The following PARVA variants were observed in gnomAD, a reference collection of about 807,000 sequenced individuals.
PARVA encodes the protein alpha-parvin.
In PARVA, 25 loss-of-function variants were observed where a neutral mutation model predicts 52.6. The observed-to-expected ratio is 0.48, with a 90% confidence interval of 0.35 to 0.66. The LOEUF is 0.66. Among genes scored for constraint, PARVA ranks in the 30% least tolerant of loss-of-function variants. The pLI is 0.01. For missense variants in PARVA, 373 were observed against 450.9 expected, an observed-to-expected ratio of 0.83 and a Z score of 1.56; for synonymous variants, 185 against 179.1, an observed-to-expected ratio of 1.03 and a Z score of -0.26.
intron 1 of PARVA, among the ~76,000 whole-genome samples, chr11:12,417,943 G>A (rs746139329): frequency 1.3e-5 from 2 of 152,216 alleles, no homozygotes; most frequent in Non-Finnish European, 2.9e-5. Flanking sequence ...CCAGATTAGA[G>A]ACCCCAGCAG....
intron 1 of PARVA, among the ~76,000 whole-genome samples, chr11:12,445,917 A>G (rs1185238029): frequency 6.6e-6 from 1 of 152,222 alleles, no homozygotes; most frequent in Non-Finnish European, 1.5e-5. Context: ...CAAATGCCAG[A>G]TGGTTTAAAG....
At chr11:12,482,101 AGCCGAGATC>A (rs1941095175) in intron 4 of PARVA, among the ~76,000 whole-genome samples, 1 of 151,252 alleles carries the variant, frequency 6.6e-6, no homozygotes, top group Non-Finnish European at 1.5e-5. Context: ...GGTTGCAGCA[AGCCGAGATC>A]GTGCCATTGC....
chr11:12,447,465 C>T (rs150114811), intron 1 of PARVA, among the ~76,000 whole-genome samples: 12 of 152,276 alleles, frequency 7.9e-5, no homozygotes, highest in South Asian at 6.2e-4. Flanking sequence ...GCCCCGAGCC[C>T]GGTAGATATG....
rs369465091 is a variant in PARVA at position 12,412,322 on chromosome 11, C to T, written c.136+34539C>T. Among the ~76,000 whole-genome samples, 68 of 152,352 alleles carry T rather than the reference C, an allele frequency of 4.5e-4. 1 individual carries two copies. In the East Asian group the frequency reaches 0.01, roughly 22 times the overall value. On this transcript the variant is annotated intron_variant, in intron 1 of 12. Coordinates refer to ENST00000334956, the MANE Select transcript of PARVA (RefSeq NM_018222.5). Reference sequence around the variant, plus strand: ...TGCCATTTCTATACCATCTTTAACACAGAGCATGTTGCCTTCATCCTAAGA... The same window carrying T: ...TGCCATTTCTATACCATCTTTAACATAGAGCATGTTGCCTTCATCCTAAGA...
chr11:12,401,769 T>C (rs895660640), intron 1 of PARVA, among the ~76,000 whole-genome samples: 4 of 152,212 alleles, frequency 2.6e-5, no homozygotes, highest in African/African-American at 9.6e-5. Context: ...AAAAATGTTT[T>C]TAAAATAATC....
At chr11:12,424,963 T>C (rs985213619) in intron 1 of PARVA, among the ~76,000 whole-genome samples, 13 of 152,256 alleles carry the variant, frequency 8.5e-5, no homozygotes, top group Non-Finnish European at 1.6e-4. Flanking sequence ...ATATTATTTG[T>C]GATTAAACTA....
intron 1 of PARVA, among the ~76,000 whole-genome samples, chr11:12,393,099 G>T (rs559531896): frequency 8.7e-5 from 11 of 126,684 alleles, no homozygotes; most frequent in African/African-American, 3.1e-4. Flanking sequence ...AAGTAGCAAA[G>T]ATTTACACGT....
rs373253926 is a variant in PARVA at position 12,474,951 on chromosome 11, C to CAAA, written c.297+982_297+984dup. Among the ~76,000 whole-genome samples the CAAA allele has an allele frequency of 5.6e-3, 709 of 126,868 alleles. 8 individuals are homozygous for CAAA. Among genetic ancestry groups the CAAA allele is most frequent in the African/African-American group, 0.017 (586 of 34,530 alleles). 83.2% of individuals were successfully genotyped at this position (126,868 alleles called of 152,430 possible). A position where few individuals can be genotyped will look rare whatever the true frequency, so the allele number is the denominator to read the frequency against. ...ACTGCACTCCAGCCTGACCCTGTCT[C>CAAA]AAAAAAAAAAAAAAAATAGCACTGG... On this transcript the variant is annotated intron_variant, in intron 3 of 12. Transcript: ENST00000334956.
At chr11:12,444,210 C>T (rs146275679) in intron 1 of PARVA, among the ~76,000 whole-genome samples, 1 of 152,272 alleles carries the variant, frequency 6.6e-6, no homozygotes, top group East Asian at 1.9e-4. Flanking sequence ...AATGGGAACA[C>T]ACAGGAGGAC....
At chr11:12,445,888 G>A (rs1459195817) in intron 1 of PARVA, among the ~76,000 whole-genome samples, 3 of 152,162 alleles carry the variant, frequency 2.0e-5, no homozygotes, top group Admixed American at 1.3e-4. Flanking sequence ...AATATGGTCA[G>A]TGTATCCCTA....
chr11:12,406,237 A>G (rs1273348494), intron 1 of PARVA, among the ~76,000 whole-genome samples: 3 of 152,222 alleles, frequency 2.0e-5, no homozygotes, highest in Admixed American at 1.3e-4. Context: ...AATTAATTCT[A>G]TTGTTTTACG....
chr11:12,376,798 G>T, upstream of PARVA: 3 of 798,116 alleles, frequency 3.8e-6, no homozygotes, highest in South Asian at 1.1e-4. Context: ...ACTGTGCTTT[G>T]TATGACTCCC....
At chr11:12,460,768 A>G (rs1201149012) in intron 1 of PARVA, among the ~76,000 whole-genome samples, 1 of 152,210 alleles carries the variant, frequency 6.6e-6, no homozygotes, top group Non-Finnish European at 1.5e-5. Context: ...TAAGAAGGAT[A>G]TAGACATGAA....
chr11:12,445,921 T>C (rs1940539809), intron 1 of PARVA, among the ~76,000 whole-genome samples: 1 of 152,072 alleles, frequency 6.6e-6, no homozygotes, highest in Non-Finnish European at 1.5e-5. Context: ...TGCCAGATGG[T>C]TTAAAGAGCT....
chr11:12,522,021 T>C (rs1278796661), intron 12 of PARVA, among the ~76,000 whole-genome samples: 1 of 152,216 alleles, frequency 6.6e-6, no homozygotes, highest in Non-Finnish European at 1.5e-5. Flanking sequence ...ATAATACATT[T>C]ATGTTGTTTT....
intron 5 of PARVA, among the ~76,000 whole-genome samples, chr11:12,503,592 C>G (rs904173326): frequency 2.0e-5 from 3 of 152,008 alleles, no homozygotes; most frequent in African/African-American, 7.2e-5. Flanking sequence ...GGGGGCCAGG[C>G]ATGGTGGCAC....
chr11:12,488,842 A>G (rs1328865515), intron 4 of PARVA, among the ~76,000 whole-genome samples: 2 of 152,204 alleles, frequency 1.3e-5, no homozygotes, highest in Non-Finnish European at 2.9e-5. Context: ...AGAAGCAAAC[A>G]TATGTCCTTC....
chr11:12,469,596 A>G (rs1940904017), intron 1 of PARVA, among the ~76,000 whole-genome samples: 1 of 152,190 alleles, frequency 6.6e-6, no homozygotes, highest in African/African-American at 2.4e-5. Flanking sequence ...GTTTTGGGAA[A>G]GTGGCCACTA....
rs1270811949 is a variant in PARVA, at chr11:12,474,439, A to ACGTACCTGCGCAGTGGCTGG, written c.297+460_297+479dup. 9.9e-5 allele frequency among the ~76,000 whole-genome samples: 15 copies of ACGTACCTGCGCAGTGGCTGG among 152,184 alleles called. No homozygotes were observed. In the East Asian group the frequency reaches 2.5e-3, roughly 26 times the overall value. On this transcript the variant is annotated intron_variant, in intron 3 of 12. Coordinates refer to ENST00000334956, the MANE Select transcript of PARVA (RefSeq NM_018222.5). ...GAGATGAAGTGACATACTGTGCATT[A>ACGTACCTGCGCAGTGGCTGG]CGTACCTGCGCAGTGGCTGGCGTGC...
Sources: allele counts gnomAD v4.1 joint callset (sites outside exome capture counted in the v4.1 genomes callset), GRCh38; gene constraint gnomAD v4.1.1; transcripts MANE v1.5; gene names NCBI Gene and HGNC (gene_info 2026-07-23, HGNC 2026-07-21).